Variants in TTC22 observed in about 807,000 individuals in gnomAD.
TTC22 encodes tetratricopeptide repeat protein 22.
Under a neutral mutation model 48.2 loss-of-function variants are expected in TTC22, and 42 were observed. That is an observed-to-expected ratio of 0.87 (90% CI 0.68 to 1.13). The LOEUF (loss-of-function observed/expected upper bound fraction) is 1.13, where lower values mean the gene tolerates loss of function less well. Ranked by LOEUF, TTC22 falls within the 50% of genes most tolerant of loss-of-function variation. The pLI, the probability that TTC22 is intolerant of heterozygous loss-of-function variation, is 0.00. For missense variants in TTC22, 784 were observed against 807.0 expected, an observed-to-expected ratio of 0.97 and a Z score of 0.34; for synonymous variants, 345 against 365.5, an observed-to-expected ratio of 0.94 and a Z score of 0.64.
At chr1:54,797,494 A>G (rs1646401156) in intron 1 of TTC22, among the ~76,000 whole-genome samples, 1 of 152,204 alleles carries the variant, frequency 6.6e-6, no homozygotes, top group African/African-American at 2.4e-5. Flanking sequence ...ACAAAAATAC[A>G]AAAATTAGCC....
At chr1:54,799,722 C>T (rs1646418799) in intron 1 of TTC22, among the ~76,000 whole-genome samples, 1 of 152,150 alleles carries the variant, frequency 6.6e-6, no homozygotes. Flanking sequence ...ATGTCTACAC[C>T]CAGCTTAGGA....
Position 54,781,386 on chromosome 1 carries a change from C to A in TTC22, c.1567G>T (p.Gly523Trp). 7.2e-7 allele frequency: 1 copy of A among 1,382,982 alleles called. No homozygotes were observed. Among genetic ancestry groups the A allele is most frequent in the East Asian group, 3.1e-5 (1 of 32,292 alleles). The allele number at this position is 1,382,982 out of a possible 1,614,324, so 85.7% of individuals were successfully genotyped here. Reference protein sequence around the residue: ...LRQELQRVWRGHTDEVLGLAR... With the variant: ...LRQELQRVWRWHTDEVLGLAR... Reference sequence around the variant, plus strand: ...AGCCCCAACACCTCGTCCGTGTGCCCGCGCCACACGCGCTGCAGCTCCTGG... The same window carrying A: ...AGCCCCAACACCTCGTCCGTGTGCCAGCGCCACACGCGCTGCAGCTCCTGG... The change falls in exon 7 of 7, where the codon GGG becomes TGG. Residue 523 changes from glycine to tryptophan, a missense_variant. Coordinates refer to ENST00000371276, the MANE Select transcript of TTC22 (RefSeq NM_001114108.2).
chr1:54,800,931 T>C lies in TTC22; in HGVS notation c.233A>G (p.Tyr78Cys), dbSNP rs1646431752. 1 of 1,608,864 alleles carries C rather than the reference T, an allele frequency of 6.2e-7. No homozygotes were observed. ...GCGGGCCTCGTCCAGCTCCTCCAGG[T>C]AGAATGCGAAAGCGCCCAGGAGGTG... is the stretch of plus-strand genomic sequence containing the variant. Reference protein sequence around the residue: ...VRHLLGAFAFYLEELDEAREC... With the variant: ...VRHLLGAFAFCLEELDEAREC... Residue 78 changes from tyrosine to cysteine, a missense_variant, in exon 1 of 7, where the codon TAC becomes TGC. Transcript: ENST00000371276.
rs1455072221 is a variant in TTC22 at position 54,801,083 on chromosome 1, C to A, written c.81G>T (p.Leu27=). 1 of 1,612,646 alleles carries A rather than the reference C, an allele frequency of 6.2e-7. No individual in the cohort carries two copies. Among genetic ancestry groups the A allele is most frequent in the Admixed American group, 1.7e-5 (1 of 59,996 alleles). Residue 27 remains leucine (L), a synonymous_variant, in exon 1 of 7, where the codon CTG becomes CTT. Coordinates refer to ENST00000371276, the MANE Select transcript of TTC22 (RefSeq NM_001114108.2). The part of the protein sequence containing the change: ...DLDYLPGHFH[L]EMQLNFEPRS... ...GCGGCTCGAAGTTCAACTGCATCTC[C>A]AGGTGAAAGTGGCCCGGGAGGTAGT...
chr1:54,784,601 T>C (rs1646286243), intron 5 of TTC22: 1 of 1,058,954 alleles, frequency 9.4e-7, no homozygotes, highest in African/African-American at 1.7e-5. Context: ...TTTACTATTA[T>C]GGTTAATGTC....
At chr1:54,800,562 TC>T in intron 1 of TTC22, 34 bp downstream of exon 1, 1 of 1,437,896 alleles carries the variant, frequency 7.0e-7, no homozygotes, top group South Asian at 1.4e-5. Context: ...ACCACAGTCC[TC>T]CCAGAGGGAG....
rs1216162161 is a variant in TTC22 at position 54,787,784 on chromosome 1, C to T, written c.666G>A (p.Lys222=). The stretch of plus-strand genomic sequence containing the variant: ...GCGTGCGGTTGAAGGCAGGCAGTCT[C>T]TTCTGCTCCTCACTGCCCAGCTCCA... ...IFLELGSEEQ[K]RLPAFNRTLA... is the part of the protein sequence containing the mutation. Residue 222 remains lysine, a synonymous_variant, in exon 3 of 7, where the codon AAG becomes AAA. Transcript: ENST00000371276. 6.2e-7 allele frequency: 1 copy of T among 1,612,990 alleles called. No individual in the cohort carries two copies. Among genetic ancestry groups the T allele is most frequent in the Non-Finnish European group, 8.5e-7 (1 of 1,179,628 alleles).
intron 5 of TTC22, chr1:54,785,386 G>A (rs117767003): frequency 2.1e-4 from 61 of 286,124 alleles, no homozygotes; most frequent in Admixed American, 1.6e-3. Context: ...TCCACAAGGC[G>A]GAGAAGCCAG....
chr1:54,786,291 C>A, intron 4 of TTC22, 147 bp from the exon 5 acceptor site: 1 of 685,240 alleles, frequency 1.5e-6, no homozygotes, highest in Non-Finnish European at 2.4e-6. Context: ...TATCCACCTG[C>A]CAGTAAGTTG....
chr1:54,781,625 C>T lies in TTC22; in HGVS notation c.1328G>A (p.Arg443His), dbSNP rs1292343018. The change falls in exon 7 of 7, where the codon CGC (arginine) becomes CAC (histidine). Residue 443 changes from arginine (R) to histidine (H), a missense_variant. Transcript: ENST00000371276. ...CGCGTTGGCGTCCTCGCCCTTGATG[C>T]GCAGGCACTTGCCGCGCAGCAGCTG... ...ELQLLRGKCL[R>H]IKGEDANAAA... The T allele has an allele frequency of 1.3e-6, 2 of 1,530,278 alleles. No homozygotes were observed. Among genetic ancestry groups the T allele is most frequent in the Non-Finnish European group, 1.7e-6 (2 of 1,144,012 alleles). 94.8% of individuals were successfully genotyped at this position (1,530,278 alleles called of 1,614,324 possible).
intron 1 of TTC22, among the ~76,000 whole-genome samples, chr1:54,795,292 A>G (rs1646382396): frequency 6.6e-6 from 1 of 152,132 alleles, no homozygotes; most frequent in African/African-American, 2.4e-5. Context: ...AGGTGGAGGG[A>G]ATTTGGGACT....
intron 3 of TTC22, 35 bp downstream of exon 3, chr1:54,787,676 G>A: frequency 6.5e-7 from 1 of 1,531,108 alleles, no homozygotes; most frequent in Non-Finnish European, 9.0e-7. Context: ...GCAGGGGGCA[G>A]AGGCTGCTGT....
At chr1:54,784,835 T>C in intron 5 of TTC22, 3 of 1,296,088 alleles carry the variant, frequency 2.3e-6, no homozygotes, top group South Asian at 1.3e-5. Flanking sequence ...ACATGGGCTC[T>C]GTGTGGGCTC....
chr1:54,800,874 G>A lies in TTC22; in HGVS notation c.290C>T (p.Pro97Leu), dbSNP rs1354677492. ...ATTGGCCCAGGCATTGAGGTTGCCC[G>A]GGTGCTCGTGGGCCACCTCGAGGAA... Reference protein sequence around the residue: ...ECFLEVAHEHPGNLNAWANLA... With the variant: ...ECFLEVAHEHLGNLNAWANLA... Residue 97 changes from proline to leucine, a missense_variant, in exon 1 of 7, where the codon CCG becomes CTG. Physicochemically the swap from Pro to Leu is moderately conservative, Grantham distance 98. Coordinates refer to ENST00000371276, the MANE Select transcript of TTC22 (RefSeq NM_001114108.2). 2 of 1,610,318 alleles carry A rather than the reference G, an allele frequency of 1.2e-6. No individual in the cohort carries two copies. The highest frequency in any genetic ancestry group is 8.5e-7 in the Non-Finnish European group (1 of 1,179,324).
At position 54,787,481 on chromosome 1, in the gene TTC22, G is replaced by A. The variant is rs894302975; in HGVS notation, c.739+230C>T. On this transcript the variant is annotated intron_variant, in intron 3 of 6. Coordinates refer to ENST00000371276, the MANE Select transcript of TTC22 (RefSeq NM_001114108.2). The stretch of plus-strand genomic sequence containing the variant: ...GGGGAAACTACCTCTCACCCTCCAG[G>A]TCATGAGCTGCAGACGGGCAAGCCT... 72 of 592,052 alleles carry A rather than the reference G, an allele frequency of 1.2e-4. No individual in the cohort carries two copies. The African/African-American group carries it at 1.3e-3, about 11-fold the overall frequency. 36.7% of individuals were successfully genotyped at this position (592,052 alleles called of 1,614,324 possible). A position where few individuals can be genotyped will look rare whatever the true frequency, so the allele number is the denominator to read the frequency against.
At chr1:54,789,532 G>A (rs938869733) in intron 1 of TTC22, among the ~76,000 whole-genome samples, 2 of 152,214 alleles carry the variant, frequency 1.3e-5, no homozygotes, top group Admixed American at 1.3e-4. Flanking sequence ...CCCACCAACT[G>A]GTGTGACCAC....
At position 54,781,590 on chromosome 1, in the gene TTC22, A is replaced by G. The variant is rs1389368988; in HGVS notation, c.1363T>C (p.Phe455Leu). The change falls in exon 7 of 7, where the codon TTC becomes CTC. Residue 455 changes from phenylalanine (F) to leucine (L), a missense_variant. Transcript: ENST00000371276. ...KGEDANAAAC[F>L]KRAVELDDAG... ...TCGTCCAGCTCCACTGCGCGCTTGA[A>G]GCAGGCGGCCGCGTTGGCGTCCTCG... 1.3e-6 allele frequency: 2 copies of G among 1,524,090 alleles called. No individual in the cohort carries two copies. The highest frequency in any genetic ancestry group is 1.8e-6 in the Non-Finnish European group (2 of 1,141,992). 94.4% of individuals were successfully genotyped at this position (1,524,090 alleles called of 1,614,324 possible).
chr1:54,795,933 G>T (rs1270422975), intron 1 of TTC22, among the ~76,000 whole-genome samples: 1 of 152,248 alleles, frequency 6.6e-6, no homozygotes, highest in Non-Finnish European at 1.5e-5. Context: ...CCATAGACCT[G>T]AGTTCAGTTC....
chr1:54,787,660 C>T, intron 3 of TTC22, 51 bp downstream of exon 3: 1 of 1,386,078 alleles, frequency 7.2e-7, no homozygotes, highest in Non-Finnish European at 1.0e-6. Context: ...TGCCAGCGGG[C>T]TGTTGGCAGG....
Sources: gnomAD v4.1 joint callset for allele counts (sites outside exome capture counted in the v4.1 genomes callset) on GRCh38, gnomAD v4.1.1 for gene constraint, MANE v1.5 for transcripts, NCBI Gene and HGNC (gene_info 2026-07-23, HGNC 2026-07-21) for gene names.